KCNN2: variants seen among roughly 807,000 people sequenced by gnomAD.
KCNN2 encodes the protein potassium calcium-activated channel subfamily N member 2.
A neutral mutation model predicts 55.5 loss-of-function variants in KCNN2; 24 were observed. That is an observed-to-expected ratio of 0.43 (90% CI 0.31 to 0.61). The LOEUF (loss-of-function observed/expected upper bound fraction) is 0.61. KCNN2 is among the 20% of genes least tolerant of loss of function. The probability of loss-of-function intolerance (pLI) is 0.08; values close to 1 mark genes in which losing one functional copy is unlikely to be tolerated. For synonymous variants in KCNN2, 431 were observed against 336.1 expected, an observed-to-expected ratio of 1.28 and a Z score of -3.09; for missense variants, 754 against 853.6, an observed-to-expected ratio of 0.88 and a Z score of 1.45.
chr5:114,232,032 C>A (rs191948557), intron 2 of KCNN2, among the ~76,000 whole-genome samples: 3 of 150,976 alleles, frequency 2.0e-5, no homozygotes, highest in Non-Finnish European at 4.4e-5. Context: ...ATTTTTTTAA[C>A]TTTTGAGGCC....
chr5:114,309,244 G>C (rs928911765), intron 2 of KCNN2, among the ~76,000 whole-genome samples: 1 of 152,196 alleles, frequency 6.6e-6, no homozygotes, highest in Admixed American at 6.5e-5. Flanking sequence ...AATTGGGACA[G>C]TATTTTTCAG....
Position 114,322,606 on chromosome 5 carries a change from T to C in KCNN2, c.-184-38339T>C, listed in dbSNP as rs1037312231. 4.7e-3 allele frequency among the ~76,000 whole-genome samples: 452 copies of C among 95,732 alleles called. 2 individuals are homozygous for C. Among genetic ancestry groups the C allele is most frequent in the African/African-American group, 0.015 (408 of 26,914 alleles). 62.8% of individuals were successfully genotyped at this position (95,732 alleles called of 152,430 possible). ...ACACACACACACACACACACACACA[T>C]ACACACTTGATTCCAGGACAGCTGA... is the stretch of plus-strand genomic sequence containing the variant. On this transcript the variant is annotated intron_variant, in intron 2 of 10. Coordinates refer to the KCNN2 transcript ENST00000512097.
At chr5:114,388,509 T>C (rs1758352733) in intron 2 of KCNN2, among the ~76,000 whole-genome samples, 1 of 152,250 alleles carries the variant, frequency 6.6e-6, no homozygotes, top group South Asian at 2.1e-4. Flanking sequence ...CCTTGCTTTT[T>C]TGACTTTCTC....
At chr5:114,249,434 G>A (rs931520871) in intron 2 of KCNN2, among the ~76,000 whole-genome samples, 3 of 151,440 alleles carry the variant, frequency 2.0e-5, no homozygotes, top group Admixed American at 6.6e-5. Context: ...TTACAGGTGC[G>A]TGCCACTACA....
chr5:114,330,997 C>T (rs948674238), intron 2 of KCNN2, among the ~76,000 whole-genome samples: 1 of 152,186 alleles, frequency 6.6e-6, no homozygotes, highest in East Asian at 1.9e-4. Flanking sequence ...TCCACCTTAT[C>T]ACTGTGAATG....
At chr5:114,337,617 C>G (rs1266665848) in intron 2 of KCNN2, among the ~76,000 whole-genome samples, 4 of 152,080 alleles carry the variant, frequency 2.6e-5, no homozygotes, top group Admixed American at 1.3e-4. Context: ...AGCCAAAGTT[C>G]TTCTTCTTTG....
At chr5:114,170,982 G>C (rs1278697928) in intron 1 of KCNN2, among the ~76,000 whole-genome samples, 1 of 151,706 alleles carries the variant, frequency 6.6e-6, no homozygotes, top group Non-Finnish European at 1.5e-5. Context: ...TTCACTTTTG[G>C]CTTCAGTCTG....
intron 2 of KCNN2, among the ~76,000 whole-genome samples, chr5:114,368,200 C>T (rs181287039): frequency 1.3e-5 from 2 of 152,218 alleles, no homozygotes; most frequent in Admixed American, 1.3e-4. Flanking sequence ...CTTAAGTATA[C>T]ATGGATTTTG....
intron 1 of KCNN2, among the ~76,000 whole-genome samples, chr5:114,137,586 T>C (rs369720982): frequency 2.0e-4 from 24 of 118,956 alleles, no homozygotes; most frequent in Non-Finnish European, 3.0e-4. Flanking sequence ...AGATATGTTG[T>C]TTTATATGCA....
chr5:114,436,754 C>T (rs1463711249), intron 3 of KCNN2, among the ~76,000 whole-genome samples: 2 of 152,130 alleles, frequency 1.3e-5, no homozygotes, highest in Non-Finnish European at 2.9e-5. Flanking sequence ...CAGCTTCCTA[C>T]CATTTTTTCT....
chr5:114,056,051 A>T, upstream of KCNN2: 1 of 268,234 alleles, frequency 3.7e-6, no homozygotes, highest in Non-Finnish European at 7.0e-6. Context: ...CCAAGGACTC[A>T]AGAAGGAGGG....
intron 2 of KCNN2, among the ~76,000 whole-genome samples, chr5:114,382,016 A>C (rs1379531407): frequency 6.6e-6 from 1 of 152,212 alleles, no homozygotes; most frequent in Non-Finnish European, 1.5e-5. Flanking sequence ...GGATCTGGAC[A>C]ATTGTACTTG....
At chr5:114,302,587 A>G (rs1384189560) in intron 2 of KCNN2, among the ~76,000 whole-genome samples, 1 of 152,136 alleles carries the variant, frequency 6.6e-6, no homozygotes, top group Non-Finnish European at 1.5e-5. Flanking sequence ...AAAGAGCAAA[A>G]TTTTATTTTA....
chr5:114,309,381 G>C (rs770011171), intron 2 of KCNN2, among the ~76,000 whole-genome samples: 1 of 152,140 alleles, frequency 6.6e-6, no homozygotes, highest in Non-Finnish European at 1.5e-5. Context: ...AGGTTTTTTA[G>C]ACTGGATTTT....
intron 2 of KCNN2, among the ~76,000 whole-genome samples, chr5:114,308,333 C>T (rs2416366): frequency 6.6e-6 from 1 of 151,858 alleles, no homozygotes; most frequent in Non-Finnish European, 1.5e-5. Context: ...TGAGATGAAG[C>T]CTTGTATAAG....
intron 2 of KCNN2, among the ~76,000 whole-genome samples, chr5:114,304,235 T>A (rs1756223324): frequency 6.6e-6 from 1 of 152,146 alleles, no homozygotes; most frequent in Non-Finnish European, 1.5e-5. Context: ...TGAGGTTTTT[T>A]TCCTCCATCA....
At chr5:114,264,448 A>G (rs999357804) in intron 2 of KCNN2, among the ~76,000 whole-genome samples, 6 of 152,164 alleles carry the variant, frequency 3.9e-5, no homozygotes, top group Non-Finnish European at 1.5e-5. Context: ...AATTAAAAAT[A>G]TACAATGCTT....
intron 2 of KCNN2, among the ~76,000 whole-genome samples, chr5:114,375,685 T>C (rs867609286): frequency 6.6e-6 from 1 of 151,990 alleles, no homozygotes; most frequent in Non-Finnish European, 1.5e-5. Flanking sequence ...TTTTACTTCA[T>C]CAGTAGGATT....
At chr5:114,490,902 G>T (rs1292795853) in intron 6 of KCNN2, among the ~76,000 whole-genome samples, 1 of 152,160 alleles carries the variant, frequency 6.6e-6, no homozygotes, top group Non-Finnish European at 1.5e-5. Flanking sequence ...GGGGGGAAAA[G>T]TGTAATACAC....
Sources: gnomAD v4.1 joint callset for allele counts (sites outside exome capture counted in the v4.1 genomes callset) on GRCh38, gnomAD v4.1.1 for gene constraint, MANE v1.5 for transcripts, NCBI Gene and HGNC (gene_info 2026-07-23, HGNC 2026-07-21) for gene names.